Variants in PRKCQ observed in about 807,000 individuals in gnomAD.
The protein encoded by PRKCQ is protein kinase C theta, also known as protein kinase C theta type.
In PRKCQ, 41 loss-of-function variants were observed where a neutral mutation model predicts 91.2. The ratio of observed to expected loss-of-function variants is 0.45; its 90% CI spans 0.35 to 0.58. The LOEUF (loss-of-function observed/expected upper bound fraction) is 0.58, where lower values mean the gene tolerates loss of function less well. Ranked by LOEUF, PRKCQ falls within the 20% of genes least tolerant of loss-of-function variation. The probability of loss-of-function intolerance (pLI) is 0.00; values close to 1 mark genes in which losing one functional copy is unlikely to be tolerated. For missense variants in PRKCQ, 673 were observed against 896.5 expected (o/e 0.75, Z 3.18); for synonymous variants, 307 against 316.9 (o/e 0.97, Z 0.33).
intron 3 of PRKCQ, among the ~76,000 whole-genome samples, chr10:6,508,235 G>T (rs1209885612): frequency 6.6e-6 from 1 of 152,186 alleles, no homozygotes. Context: ...GACAAGCTGA[G>T]CGCTGTTGTT....
At position 6,454,092 on chromosome 10, in the gene PRKCQ, A is replaced by T. The variant is rs972458100; in HGVS notation, c.1647+2582T>A. Among the ~76,000 whole-genome samples, 3 of 152,146 alleles carry T rather than the reference A, an allele frequency of 2.0e-5. No homozygotes were observed. In the East Asian group the frequency reaches 5.8e-4, roughly 29 times the overall value. ...ATAATAATAATAAATAAATTAATGC[A>T]ATTTAGTTATTTTAAACTATATATT... On this transcript the variant is annotated intron_variant, in intron 15 of 17. Coordinates refer to ENST00000263125, the MANE Select transcript of PRKCQ (RefSeq NM_006257.5).
At chr10:6,493,235 G>A (rs144739872) in intron 7 of PRKCQ, among the ~76,000 whole-genome samples, 114 of 152,286 alleles carry the variant, frequency 7.5e-4, no homozygotes, top group African/African-American at 2.6e-3. Flanking sequence ...TGTGCTGGAC[G>A]TGTAAAATAA....
chr10:6,508,019 T>C (rs561004138), intron 3 of PRKCQ, among the ~76,000 whole-genome samples: 4 of 152,302 alleles, frequency 2.6e-5, no homozygotes, highest in South Asian at 2.1e-4. Context: ...CAAAGAGAGA[T>C]TGTATTTTTA....
chr10:6,515,938 T>C (rs1416588022), intron 1 of PRKCQ, among the ~76,000 whole-genome samples: 2 of 152,256 alleles, frequency 1.3e-5, no homozygotes, highest in African/African-American at 2.4e-5. Flanking sequence ...TGGCCACTTA[T>C]GTGAACTAGA....
chr10:6,522,750 T>C (rs776692985), intron 1 of PRKCQ, among the ~76,000 whole-genome samples: 40 of 152,150 alleles, frequency 2.6e-4, no homozygotes, highest in Non-Finnish European at 5.1e-4. Context: ...ATAACAATAG[T>C]CATCACTTGT....
At chr10:6,473,879 T>C (rs181703450) in intron 12 of PRKCQ, among the ~76,000 whole-genome samples, 128 of 152,312 alleles carry the variant, frequency 8.4e-4, no homozygotes, top group African/African-American at 2.9e-3. Context: ...TAATTTTAAA[T>C]GATAATAATA....
chr10:6,476,833 G>A (rs780867448), intron 12 of PRKCQ, among the ~76,000 whole-genome samples: 16 of 152,146 alleles, frequency 1.1e-4, no homozygotes, highest in Middle Eastern at 3.2e-3. Flanking sequence ...ACAACAGTAC[G>A]GAGAGGGTGG....
intron 4 of PRKCQ, among the ~76,000 whole-genome samples, chr10:6,506,474 C>A (rs79846299): frequency 6.6e-6 from 1 of 152,138 alleles, no homozygotes; most frequent in East Asian, 1.9e-4. Context: ...TCGCCTTTTA[C>A]TAAAATATTT....
At position 6,453,913 on chromosome 10, in the gene PRKCQ, G is replaced by T. The variant is rs1834856487; in HGVS notation, c.1647+2761C>A. On this transcript the variant is annotated intron_variant, in intron 15 of 17. Coordinates refer to ENST00000263125, the MANE Select transcript of PRKCQ (RefSeq NM_006257.5). Reference sequence around the variant, plus strand: ...AGGAAGGGGAACATCACACTCTGGGGACTGTTGTGGGGTGGGGGGAGCGGG... The same window carrying T: ...AGGAAGGGGAACATCACACTCTGGGTACTGTTGTGGGGTGGGGGGAGCGGG... Among the ~76,000 whole-genome samples the T allele has an allele frequency of 2.0e-5, 3 of 151,634 alleles. No individual in the cohort carries two copies. The South Asian group carries it at 6.3e-4, about 32-fold the overall frequency.
intron 15 of PRKCQ, among the ~76,000 whole-genome samples, chr10:6,455,452 C>T (rs1168978213): frequency 5.3e-5 from 8 of 152,214 alleles, no homozygotes; most frequent in Non-Finnish European, 1.2e-4. Context: ...GGCAAAGCTA[C>T]ATAGTTCTAG....
chr10:6,568,658 T>C (rs1840922939), intron 1 of PRKCQ, among the ~76,000 whole-genome samples: 1 of 151,976 alleles, frequency 6.6e-6, no homozygotes, highest in Non-Finnish European at 1.5e-5. Flanking sequence ...CCACCATTCC[T>C]GGCTAATTTT....
At chr10:6,554,271 T>C (rs1404676276) in intron 1 of PRKCQ, among the ~76,000 whole-genome samples, 4 of 152,120 alleles carry the variant, frequency 2.6e-5, no homozygotes, top group African/African-American at 9.7e-5. Flanking sequence ...CAGAAGGAAC[T>C]GCAACTCCGA....
At chr10:6,579,667 G>A (rs1196025370) in intron 1 of PRKCQ, among the ~76,000 whole-genome samples, 1 of 100,204 alleles carries the variant, frequency 1.0e-5, no homozygotes. Flanking sequence ...TTTTTTTTTG[G>A]TATCTTTCAA....
At chr10:6,556,097 T>C (rs1319891035) in intron 1 of PRKCQ, among the ~76,000 whole-genome samples, 2 of 152,102 alleles carry the variant, frequency 1.3e-5, no homozygotes, top group Admixed American at 6.6e-5. Flanking sequence ...AGCAGAAGAA[T>C]AACTTATTCC....
downstream of PRKCQ, among the ~76,000 whole-genome samples, chr10:6,425,107 A>G (rs1437293184): frequency 6.6e-6 from 1 of 152,166 alleles, no homozygotes. Context: ...GATGTCGCTG[A>G]AACCCTGCAC....
chr10:6,457,620 T>A (rs888944985), intron 14 of PRKCQ, among the ~76,000 whole-genome samples: 50 of 152,222 alleles, frequency 3.3e-4, no homozygotes, highest in African/African-American at 1.1e-3. Flanking sequence ...CTTCCAAATA[T>A]CTTGAATTTG....
At chr10:6,514,871 C>T in intron 2 of PRKCQ, 147 bp downstream of exon 2, 2 of 1,360,130 alleles carry the variant, frequency 1.5e-6, no homozygotes, top group South Asian at 1.3e-5. Flanking sequence ...TGAGGAAGTC[C>T]TTGGCTTTGC....
chr10:6,487,888 C>G (rs762329101), intron 8 of PRKCQ, among the ~76,000 whole-genome samples: 2 of 151,648 alleles, frequency 1.3e-5, no homozygotes, highest in Non-Finnish European at 2.9e-5. Flanking sequence ...ATCTGTAATC[C>G]CAGCTACTCA....
chr10:6,540,865 A>C (rs990646858), intron 1 of PRKCQ, among the ~76,000 whole-genome samples: 1 of 152,176 alleles, frequency 6.6e-6, no homozygotes, highest in African/African-American at 2.4e-5. Context: ...AGAAGGTCCC[A>C]CATCTTCACA....
Sources: allele counts gnomAD v4.1 joint callset (sites outside exome capture counted in the v4.1 genomes callset), GRCh38; gene constraint gnomAD v4.1.1; transcripts MANE v1.5; gene names NCBI Gene and HGNC (gene_info 2026-07-23, HGNC 2026-07-21).